Variants in PTPRN2 observed in about 807,000 individuals in gnomAD.
PTPRN2 encodes the protein receptor-type tyrosine-protein phosphatase N2.
A neutral mutation model predicts 118.8 loss-of-function variants in PTPRN2; 74 were observed. That is an observed-to-expected ratio of 0.62 (90% CI 0.52 to 0.76). PTPRN2 has a LOEUF of 0.76. Among genes scored for constraint, PTPRN2 ranks in the 30% least tolerant of loss-of-function variants. The pLI is 0.00. For missense variants in PTPRN2, 1,481 were observed against 1,394.4 expected, an observed-to-expected ratio of 1.06 and a Z score of -0.99; for synonymous variants, 641 against 608.0, an observed-to-expected ratio of 1.05 and a Z score of -0.80.
chr7:157,795,261 G>C (rs549054657), intron 12 of PTPRN2, among the ~76,000 whole-genome samples: 1 of 152,092 alleles, frequency 6.6e-6, no homozygotes, highest in East Asian at 1.9e-4. Context: ...TGTGCATCTA[G>C]GGGGCACTTT....
intron 3 of PTPRN2, among the ~76,000 whole-genome samples, chr7:158,281,564 A>T (rs1563069): frequency 6.6e-6 from 1 of 152,232 alleles, no homozygotes; most frequent in South Asian, 2.1e-4. Context: ...ACAGAGGTGC[A>T]TGGAAATGCT....
At chr7:158,579,571 T>G (rs953542090) in intron 1 of PTPRN2, among the ~76,000 whole-genome samples, 2 of 152,220 alleles carry the variant, frequency 1.3e-5, no homozygotes, top group African/African-American at 4.8e-5. Context: ...AAGTGCAAAC[T>G]GTAAAGATTA....
At chr7:157,743,915 C>T (rs575397764) in intron 12 of PTPRN2, among the ~76,000 whole-genome samples, 97 of 152,296 alleles carry the variant, frequency 6.4e-4, no homozygotes, top group African/African-American at 1.9e-3. Context: ...CCACCAGCCA[C>T]GGAAGTCGCA....
At chr7:158,352,494 C>T (rs1808078172) in intron 2 of PTPRN2, among the ~76,000 whole-genome samples, 1 of 152,234 alleles carries the variant, frequency 6.6e-6, no homozygotes, top group African/African-American at 2.4e-5. Context: ...TGTGATGATG[C>T]CTGGACCCTG....
intron 11 of PTPRN2, among the ~76,000 whole-genome samples, chr7:157,966,815 AT>A (rs915461396): frequency 4.7e-5 from 7 of 149,790 alleles, no homozygotes; most frequent in African/African-American, 1.8e-4. Flanking sequence ...CATCATCTTC[AT>A]TATCACCATC....
At chr7:158,315,925 C>A (rs1307536159) in intron 3 of PTPRN2, among the ~76,000 whole-genome samples, 2 of 152,222 alleles carry the variant, frequency 1.3e-5, no homozygotes, top group Non-Finnish European at 2.9e-5. Context: ...AGCCACCCTG[C>A]CGTTGCCCCA....
chr7:158,127,705 ATG>A (rs1461848704), intron 9 of PTPRN2, among the ~76,000 whole-genome samples: 1 of 152,110 alleles, frequency 6.6e-6, no homozygotes, highest in Non-Finnish European at 1.5e-5. Context: ...AGAGAGAGGC[ATG>A]TGTGTGTGAG....
intron 1 of PTPRN2, among the ~76,000 whole-genome samples, chr7:158,502,017 G>A (rs193106506): frequency 6.6e-6 from 1 of 152,126 alleles, no homozygotes; most frequent in Non-Finnish European, 1.5e-5. Flanking sequence ...TGATAAAGCC[G>A]TCACGGAGTA....
intron 20 of PTPRN2, among the ~76,000 whole-genome samples, chr7:157,570,980 C>T (rs913685291): frequency 6.6e-6 from 1 of 152,134 alleles, no homozygotes; most frequent in Non-Finnish European, 1.5e-5. Flanking sequence ...CGCGGTGGCT[C>T]ACGCCTGTAA....
intron 11 of PTPRN2, among the ~76,000 whole-genome samples, chr7:158,073,875 C>T (rs1241908898): frequency 1.3e-5 from 2 of 152,344 alleles, no homozygotes; most frequent in Non-Finnish European, 2.9e-5. Context: ...CAGCAGGCTC[C>T]TCCAGCAAAA....
chr7:157,557,581 G>C (rs1471437591), intron 21 of PTPRN2, among the ~76,000 whole-genome samples: 1 of 113,478 alleles, frequency 8.8e-6, no homozygotes, highest in Non-Finnish European at 1.9e-5. Context: ...CACTCTCCTG[G>C]GCCTTCAGTG....
At chr7:158,251,435 A>C (rs939993168) in intron 3 of PTPRN2, among the ~76,000 whole-genome samples, 19 of 133,976 alleles carry the variant, frequency 1.4e-4, no homozygotes, top group East Asian at 9.1e-4. Context: ...CAATGGATGT[A>C]TATGGTGCAT....
At chr7:158,169,799 C>T (rs896017762) in intron 5 of PTPRN2, among the ~76,000 whole-genome samples, 1 of 152,006 alleles carries the variant, frequency 6.6e-6, no homozygotes, top group Admixed American at 6.5e-5. Flanking sequence ...TCAAGCGACT[C>T]TCCTGCTTCA....
chr7:158,152,820 T>G (rs942902257), intron 6 of PTPRN2, among the ~76,000 whole-genome samples: 235 of 133,866 alleles, frequency 1.8e-3, no homozygotes, highest in Middle Eastern at 4.5e-3. Flanking sequence ...CACCGACTGG[T>G]GGGACAAGAG....
intron 11 of PTPRN2, among the ~76,000 whole-genome samples, chr7:158,071,056 G>A (rs1294182306): frequency 1.2e-5 from 1 of 86,674 alleles, no homozygotes; most frequent in Admixed American, 1.1e-4. Context: ...TGCTCATGGT[G>A]GTGGAGGTGC....
intron 3 of PTPRN2, among the ~76,000 whole-genome samples, chr7:158,297,160 G>A (rs1381403273): frequency 2.0e-5 from 3 of 152,230 alleles, no homozygotes; most frequent in Non-Finnish European, 2.9e-5. Flanking sequence ...TACAGCTTCT[G>A]CCAATGGCTG....
At chr7:157,793,103 G>T (rs559196716) in intron 12 of PTPRN2, among the ~76,000 whole-genome samples, 1 of 152,194 alleles carries the variant, frequency 6.6e-6, no homozygotes, top group East Asian at 1.9e-4. Flanking sequence ...GAGGAAGGGG[G>T]CGCAGCTGCA....
chr7:157,829,090 G>T (rs2082738), intron 12 of PTPRN2, among the ~76,000 whole-genome samples: 12,022 of 152,342 alleles, frequency 0.079, 763 homozygotes, highest in East Asian at 0.22. Context: ...GGGCGCAGCC[G>T]GGCGCGGGAT....
chr7:157,719,763 C>T (rs1019472360), intron 12 of PTPRN2, among the ~76,000 whole-genome samples: 7 of 152,248 alleles, frequency 4.6e-5, no homozygotes, highest in South Asian at 2.1e-4. Context: ...CTGCAATCTC[C>T]GGCCTTCCCG....
Sources: gnomAD v4.1 joint callset for allele counts (sites outside exome capture counted in the v4.1 genomes callset) on GRCh38, gnomAD v4.1.1 for gene constraint, MANE v1.5 for transcripts, NCBI Gene and HGNC (gene_info 2026-07-23, HGNC 2026-07-21) for gene names.